Variants in CAPZB observed in about 807,000 individuals in gnomAD.
CAPZB encodes the protein F-actin-capping protein subunit beta.
A neutral mutation model predicts 38.1 loss-of-function variants in CAPZB; 2 were observed. The ratio of observed to expected loss-of-function variants is 0.05; its 90% CI spans 0.02 to 0.17. CAPZB has a LOEUF of 0.17. Among genes scored for constraint, CAPZB ranks in the 10% least tolerant of loss-of-function variants. The probability of loss-of-function intolerance (pLI) is 1.00; values close to 1 mark genes in which losing one functional copy is unlikely to be tolerated. For synonymous variants in CAPZB, 107 were observed against 127.4 expected (o/e 0.84, Z 1.08); for missense variants, 161 against 334.2 (o/e 0.48, Z 4.04).
chr1:19,475,122 G>A (rs1306654615), intron 1 of CAPZB, among the ~76,000 whole-genome samples: 1 of 152,196 alleles, frequency 6.6e-6, no homozygotes, highest in Non-Finnish European at 1.5e-5. Flanking sequence ...ATAACATCGT[G>A]TTGTGGTTAA....
chr1:19,420,111 C>A (rs914521737), intron 1 of CAPZB: 2 of 188,124 alleles, frequency 1.1e-5, no homozygotes, highest in East Asian at 1.4e-4. Flanking sequence ...ACTCCAGTAG[C>A]GGATTACTTT....
chr1:19,429,434 G>C (rs2094434981), intron 1 of CAPZB, among the ~76,000 whole-genome samples: 1 of 152,190 alleles, frequency 6.6e-6, no homozygotes, highest in Non-Finnish European at 1.5e-5. Flanking sequence ...TCTAAAGGCA[G>C]AGATACGATA....
intron 1 of CAPZB, among the ~76,000 whole-genome samples, chr1:19,473,980 C>A (rs2094598403): frequency 6.6e-6 from 1 of 152,014 alleles, no homozygotes; most frequent in South Asian, 2.1e-4. Context: ...GAGAACTAAG[C>A]TATAGCATTT....
intron 6 of CAPZB, among the ~76,000 whole-genome samples, chr1:19,353,077 G>C (rs1287484947): frequency 6.6e-6 from 1 of 152,244 alleles, no homozygotes; most frequent in Admixed American, 6.5e-5. Context: ...TGCGCCCGGG[G>C]CCACACACAG....
Position 19,388,344 on chromosome 1 carries a change from G to A in CAPZB, c.94-2718C>T, listed in dbSNP as rs11588740. Among the ~76,000 whole-genome samples the A allele has an allele frequency of 8.1e-3, 1,230 of 152,296 alleles. 17 individuals are homozygous for A. Among genetic ancestry groups the A allele is most frequent in the African/African-American group, 0.027 (1,117 of 41,544 alleles). On this transcript the variant is annotated intron_variant, in intron 2 of 8. Transcript: ENST00000264202. ...TGCAGGATTCTCAGTGCCTGTGGCT[G>A]TGCCTGACACACAGCAAATGCTTAA...
intron 4 of CAPZB, among the ~76,000 whole-genome samples, chr1:19,361,617 A>C (rs2094053418): frequency 6.6e-6 from 1 of 152,274 alleles, no homozygotes; most frequent in Non-Finnish European, 1.5e-5. Flanking sequence ...AAGGGGGACC[A>C]CAACACGTTT....
At position 19,385,374 on chromosome 1, in the gene CAPZB, G is replaced by T. The variant is rs1570073009; in HGVS notation, c.215+131C>A. The T allele has an allele frequency of 3.3e-6, 3 of 911,234 alleles. No individual in the cohort carries two copies. The East Asian group carries it at 7.4e-5, about 22-fold the overall frequency. 56.4% of individuals were successfully genotyped at this position (911,234 alleles called of 1,614,324 possible). ...AAGAGAAGAAAGGAGAGGAGGGCAG[G>T]GAACAAACGGAAGGAAAGCTGAATG... is the stretch of plus-strand genomic sequence containing the variant. On this transcript the variant is annotated intron_variant, in intron 3 of 8. Transcript: ENST00000264202.
intron 4 of CAPZB, among the ~76,000 whole-genome samples, chr1:19,374,854 A>AG (rs926659016): frequency 4.3e-4 from 65 of 152,368 alleles, no homozygotes; most frequent in African/African-American, 1.4e-3. Context: ...GGCCTTGCTC[A>AG]GGGGACAACA....
rs1489998989 is a variant in CAPZB, at chr1:19,344,341, G to A, written c.731+17C>T. 7 of 1,599,670 alleles carry A rather than the reference G, an allele frequency of 4.4e-6. No homozygotes were observed. The highest frequency in any genetic ancestry group is 6.0e-6 in the Non-Finnish European group (7 of 1,166,856). Reference sequence around the variant, plus strand: ...CCCTCTGTCTGCTTCTAAAGCTTGTGCTTTCTGGTACATTACCTCAGCCCA... The same window carrying A: ...CCCTCTGTCTGCTTCTAAAGCTTGTACTTTCTGGTACATTACCTCAGCCCA... On this transcript the variant is annotated intron_variant, in intron 8 of 8. Transcript: ENST00000264202.
chr1:19,439,702 C>G (rs1446628513), intron 1 of CAPZB, among the ~76,000 whole-genome samples: 1 of 152,260 alleles, frequency 6.6e-6, no homozygotes, highest in African/African-American at 2.4e-5. Context: ...AAGCAGCTTC[C>G]CTCCCGGCTG....
chr1:19,341,658 C>G (rs2093929722), intron 8 of CAPZB, among the ~76,000 whole-genome samples: 1 of 152,144 alleles, frequency 6.6e-6, no homozygotes, highest in Non-Finnish European at 1.5e-5. Context: ...CAGGACGCCC[C>G]CAGTGGGCGG....
Position 19,484,129 on chromosome 1 carries a change from C to T in CAPZB, c.3+1307G>A, listed in dbSNP as rs922707486. Reference sequence around the variant, plus strand: ...CCTCAAAAGTCTGGATAGCATCTGCCTTCTTTACCAAAACAAACACCACGA... The same window carrying T: ...CCTCAAAAGTCTGGATAGCATCTGCTTTCTTTACCAAAACAAACACCACGA... On this transcript the variant is annotated intron_variant, in intron 1 of 8. Transcript: ENST00000264202. 7.7e-6 allele frequency: 12 copies of T among 1,555,568 alleles called. No homozygotes were observed. The African/African-American group carries it at 1.2e-4, about 16-fold the overall frequency.
chr1:19,342,030 G>A (rs1374325752), intron 8 of CAPZB, among the ~76,000 whole-genome samples: 3 of 152,192 alleles, frequency 2.0e-5, no homozygotes, highest in Non-Finnish European at 2.9e-5. Context: ...CCTACATCTG[G>A]ATCTGTCACA....
intron 1 of CAPZB, among the ~76,000 whole-genome samples, chr1:19,459,355 G>A (rs1398262308): frequency 1.3e-5 from 2 of 152,078 alleles, no homozygotes; most frequent in Non-Finnish European, 2.9e-5. Context: ...ATGAAAAGTC[G>A]TTAAAGTTGT....
At chr1:19,397,112 G>A (rs973565821) in intron 2 of CAPZB, among the ~76,000 whole-genome samples, 1 of 152,076 alleles carries the variant, frequency 6.6e-6, no homozygotes, top group Non-Finnish European at 1.5e-5. Flanking sequence ...CTGTCCTCTC[G>A]TTTAAGTGAA....
At chr1:19,452,717 C>A (rs1370655950) in intron 1 of CAPZB, among the ~76,000 whole-genome samples, 1 of 152,104 alleles carries the variant, frequency 6.6e-6, no homozygotes, top group Non-Finnish European at 1.5e-5. Flanking sequence ...CTCCTCTCCA[C>A]CACACTGCCC....
intron 4 of CAPZB, among the ~76,000 whole-genome samples, chr1:19,363,260 ATTTTTTT>A (rs10641267): frequency 1.6e-5 from 2 of 123,126 alleles, no homozygotes; most frequent in South Asian, 2.8e-4. Flanking sequence ...TAAAAAAAAA[ATTTTTTT>A]TTTTTTTTTT....
intron 2 of CAPZB, among the ~76,000 whole-genome samples, chr1:19,392,967 G>A (rs566550313): frequency 6.6e-4 from 101 of 152,272 alleles, no homozygotes; most frequent in African/African-American, 2.2e-3. Context: ...TCCCTTCACC[G>A]GTCTGTCCAG....
At position 19,445,550 on chromosome 1, in the gene CAPZB, A is replaced by G. The variant is rs1195150035; in HGVS notation, c.4-25800T>C. ...ACCACCTAGAGACTCCCCAAAGGTAACTGCCAATAATAACTTGGTTCCCAT... is the reference window on the plus strand; with the variant it reads ...ACCACCTAGAGACTCCCCAAAGGTAGCTGCCAATAATAACTTGGTTCCCAT... On this transcript the variant is annotated intron_variant, in intron 1 of 8. Coordinates refer to ENST00000264202, the MANE Select transcript of CAPZB (RefSeq NM_004930.5). Among the ~76,000 whole-genome samples, 5 of 152,198 alleles carry G rather than the reference A, an allele frequency of 3.3e-5. No individual in the cohort carries two copies. The East Asian group carries it at 9.6e-4, about 29-fold the overall frequency.
Sources: allele counts gnomAD v4.1 joint callset (sites outside exome capture counted in the v4.1 genomes callset), GRCh38; gene constraint gnomAD v4.1.1; transcripts MANE v1.5; gene names NCBI Gene and HGNC (gene_info 2026-07-23, HGNC 2026-07-21).